The following TRPS1 variants were observed in gnomAD, a reference collection of about 807,000 sequenced individuals.
The protein encoded by TRPS1 is zinc finger transcription factor Trps1.
Under a neutral mutation model 101.2 loss-of-function variants are expected in TRPS1, and 6 were observed. The observed-to-expected ratio is 0.06, with a 90% confidence interval of 0.03 to 0.12. The LOEUF is 0.12. Ranked by LOEUF, TRPS1 falls within the 10% of genes least tolerant of loss-of-function variation. TRPS1 has a pLI of 1.00. For missense variants in TRPS1, 1,363 were observed against 1,567.0 expected (o/e 0.87, Z 2.20); for synonymous variants, 578 against 589.8 (o/e 0.98, Z 0.29).
At chr8:115,646,399 C>CA (rs960587332) in intron 1 of TRPS1, among the ~76,000 whole-genome samples, 2 of 152,176 alleles carry the variant, frequency 1.3e-5, no homozygotes, top group Non-Finnish European at 2.9e-5. Flanking sequence ...TCCAGACAAT[C>CA]ACATGTCCCA....
At position 115,619,222 on chromosome 8, in the gene TRPS1, G is replaced by C; in HGVS notation, c.876C>G (p.Phe292Leu). The C allele has an allele frequency of 6.2e-7, 1 of 1,614,110 alleles. No individual in the cohort carries two copies. Among genetic ancestry groups the C allele is most frequent in the Non-Finnish European group, 8.5e-7 (1 of 1,180,012 alleles). ...AAAACACAGAACGGTTGACCTTCTG[G>C]AAGTCTTTGGAATGGCTGAACTGCA... The part of the protein sequence containing the change: ...NMVQFSHSKD[F>L]QKVNRSVFSG... The change falls in exon 3 of 7, where the codon TTC (phenylalanine) becomes TTG (leucine). Residue 292 changes from phenylalanine (F) to leucine (L), a missense_variant. By Grantham distance (22) the Phe-to-Leu change is conservative. This residue lies in a region of TRPS1 where 1,020 missense variants were observed against 1,073.0 expected (regional missense o/e 0.95). Coordinates refer to ENST00000395715, the MANE Select transcript of TRPS1 (RefSeq NM_014112.5).
chr8:115,609,735 T>C (rs889028619), intron 3 of TRPS1, among the ~76,000 whole-genome samples: 4 of 152,238 alleles, frequency 2.6e-5, no homozygotes, highest in African/African-American at 9.6e-5. Context: ...TATTTTAAAG[T>C]CTTTTTCACT....
intron 5 of TRPS1, among the ~76,000 whole-genome samples, chr8:115,494,191 T>C (rs372475376): frequency 1.3e-5 from 2 of 152,338 alleles, no homozygotes; most frequent in South Asian, 2.1e-4. Flanking sequence ...CTCAAAGACC[T>C]TTCTGAGCCA....
At chr8:115,422,299 T>C (rs904245280) in intron 5 of TRPS1, among the ~76,000 whole-genome samples, 4 of 152,126 alleles carry the variant, frequency 2.6e-5, no homozygotes, top group African/African-American at 7.2e-5. Flanking sequence ...TAATCTGGAG[T>C]TGGGCAGAGA....
chr8:115,539,278 G>A (rs150782401), intron 5 of TRPS1, among the ~76,000 whole-genome samples: 59 of 152,278 alleles, frequency 3.9e-4, no homozygotes, highest in African/African-American at 1.4e-3. Context: ...TCAAAGAAAG[G>A]TTAGCGGTTC....
At chr8:115,564,464 C>CT (rs1156613084) in intron 5 of TRPS1, among the ~76,000 whole-genome samples, 20 of 152,102 alleles carry the variant, frequency 1.3e-4, no homozygotes, top group African/African-American at 4.3e-4. Context: ...TGACACAGGT[C>CT]TATTTATACA....
chr8:115,420,988 C>CTTTT (rs145159726), intron 5 of TRPS1, among the ~76,000 whole-genome samples: 1 of 138,426 alleles, frequency 7.2e-6, no homozygotes, highest in Admixed American at 7.3e-5. Context: ...TACTGTGATT[C>CTTTT]TTTTTTTTTT....
chr8:115,441,337 C>T (rs1813587897), intron 5 of TRPS1, among the ~76,000 whole-genome samples: 1 of 152,154 alleles, frequency 6.6e-6, no homozygotes, highest in East Asian at 1.9e-4. Context: ...ACTTACGGCG[C>T]TCTTAACACC....
chr8:115,576,360 G>T (rs1817320335), intron 5 of TRPS1, among the ~76,000 whole-genome samples: 1 of 151,676 alleles, frequency 6.6e-6, no homozygotes, highest in African/African-American at 2.4e-5. Flanking sequence ...CAAAATATAA[G>T]ATTTTGTCTT....
chr8:115,477,803 C>CT (rs59391256), intron 5 of TRPS1, among the ~76,000 whole-genome samples: 212 of 148,224 alleles, frequency 1.4e-3, no homozygotes, highest in East Asian at 5.3e-3. Context: ...AATCTACATT[C>CT]TTTTTTTTTT....
At chr8:115,475,803 C>G (rs547329056) in intron 5 of TRPS1, among the ~76,000 whole-genome samples, 25 of 152,246 alleles carry the variant, frequency 1.6e-4, no homozygotes, top group Admixed American at 1.3e-3. Context: ...CCATTTCACT[C>G]CTATGTGGGA....
At chr8:115,626,866 T>C (rs990021126) in intron 1 of TRPS1, among the ~76,000 whole-genome samples, 1 of 151,756 alleles carries the variant, frequency 6.6e-6, no homozygotes, top group Non-Finnish European at 1.5e-5. Context: ...TGCTATGTTC[T>C]CTAGATTTTA....
intron 5 of TRPS1, among the ~76,000 whole-genome samples, chr8:115,425,708 A>G (rs1417288994): frequency 6.6e-6 from 1 of 152,226 alleles, no homozygotes. Flanking sequence ...CTCTTTATTC[A>G]TACAGATTCT....
chr8:115,607,889 T>C (rs1042223698), intron 3 of TRPS1, among the ~76,000 whole-genome samples: 1 of 152,138 alleles, frequency 6.6e-6, no homozygotes, highest in Admixed American at 6.5e-5. Flanking sequence ...TAAAACATAA[T>C]TTATTATTTT....
At chr8:115,538,960 T>TCTTAC (rs1209930167) in intron 5 of TRPS1, among the ~76,000 whole-genome samples, 5 of 152,166 alleles carry the variant, frequency 3.3e-5, no homozygotes. Context: ...ACCTTGCATA[T>TCTTAC]CTACATCAAA....
intron 5 of TRPS1, among the ~76,000 whole-genome samples, chr8:115,444,755 C>A (rs1360359595): frequency 6.6e-6 from 1 of 152,114 alleles, no homozygotes; most frequent in African/African-American, 2.4e-5. Context: ...AGATGATTTT[C>A]TTCCCCTTTT....
intron 5 of TRPS1, among the ~76,000 whole-genome samples, chr8:115,422,512 G>A (rs886761980): frequency 2.0e-5 from 3 of 152,024 alleles, no homozygotes; most frequent in African/African-American, 2.4e-5. Flanking sequence ...GATTACAGAC[G>A]CCCGCCACCA....
At chr8:115,630,082 A>C (rs1201281003) in intron 1 of TRPS1, among the ~76,000 whole-genome samples, 1 of 152,000 alleles carries the variant, frequency 6.6e-6, no homozygotes, top group African/African-American at 2.4e-5. Flanking sequence ...TCAAAGTAAA[A>C]CTGAAACAGG....
chr8:115,628,499 GA>G, intron 1 of TRPS1, among the ~76,000 whole-genome samples: 1 of 151,590 alleles, frequency 6.6e-6, no homozygotes, highest in Non-Finnish European at 1.5e-5. Context: ...ATGTTCCAAA[GA>G]AAACTGATCT....
Sources: allele counts gnomAD v4.1 joint callset (sites outside exome capture counted in the v4.1 genomes callset), GRCh38; gene constraint gnomAD v4.1.1; regional missense constraint gnomAD v4.1.1; transcripts MANE v1.5; gene names NCBI Gene and HGNC (gene_info 2026-07-23, HGNC 2026-07-21).